Variants in ZSCAN18 observed in about 807,000 individuals in gnomAD.
ZSCAN18 encodes the protein zinc finger and SCAN domain-containing protein 18.
Under a neutral mutation model 31.1 loss-of-function variants are expected in ZSCAN18, and 16 were observed. The ratio of observed to expected loss-of-function variants is 0.51; its 90% CI spans 0.35 to 0.78. The LOEUF (loss-of-function observed/expected upper bound fraction) is 0.78, where lower values mean the gene tolerates loss of function less well. ZSCAN18 is among the 30% of genes least tolerant of loss of function. ZSCAN18 has a pLI of 0.01. For missense variants in ZSCAN18, 731 were observed against 697.4 expected (o/e 1.05, Z -0.54); for synonymous variants, 375 against 320.7 (o/e 1.17, Z -1.81).
chr19:58,093,955 G>A (rs1247505275), intron 1 of ZSCAN18, among the ~76,000 whole-genome samples: 1 of 151,680 alleles, frequency 6.6e-6, no homozygotes, highest in African/African-American at 2.4e-5. Context: ...AGTACAGACG[G>A]GGTTTCACCA....
intron 1 of ZSCAN18, among the ~76,000 whole-genome samples, chr19:58,096,183 T>C (rs1335428791): frequency 6.6e-6 from 1 of 152,106 alleles, no homozygotes; most frequent in Non-Finnish European, 1.5e-5. Context: ...GATTGGCCAC[T>C]GCACTCCAGC....
chr19:58,098,300 T>C (rs2074560876), upstream of ZSCAN18: 3 of 985,322 alleles, frequency 3.0e-6, no homozygotes, highest in Non-Finnish European at 3.6e-6. Context: ...CGCGAGGCTG[T>C]GCCGCGCACC....
At chr19:58,098,833 A>T (rs1463860730), upstream of ZSCAN18, among the ~76,000 whole-genome samples, 1 of 152,216 alleles carries the variant, frequency 6.6e-6, no homozygotes, top group Non-Finnish European at 1.5e-5. Flanking sequence ...GGGAGACAAG[A>T]GGTGGAGACC....
chr19:58,107,029 C>T (rs2146023002), intron 1 of ZSCAN18, among the ~76,000 whole-genome samples: 1 of 151,818 alleles, frequency 6.6e-6, no homozygotes, highest in African/African-American at 2.4e-5. Flanking sequence ...TCCCAAAGTG[C>T]TGGGATTACA....
chr19:58,100,603 AC>A (rs1305227286), upstream of ZSCAN18, among the ~76,000 whole-genome samples: 1 of 152,154 alleles, frequency 6.6e-6, no homozygotes, highest in Non-Finnish European at 1.5e-5. Flanking sequence ...TGTGCCAGGA[AC>A]CAGGGATAAA....
chr19:58,087,336 C>A lies in ZSCAN18; in HGVS notation c.622G>T (p.Gly208Cys). Residue 208 changes from glycine (G) to cysteine (C), a missense_variant, in exon 4 of 7, where the codon GGC becomes TGC. Coordinates refer to ENST00000601144, the MANE Select transcript of ZSCAN18 (RefSeq NM_001145543.2). Reference protein sequence around the residue: ...RVREAKTEEDGPANTEQKLKS... With the variant: ...RVREAKTEEDCPANTEQKLKS... ...CCCACCTGCTCGGTGTTGGCAGGGC[C>A]GTCCTCTTCGGTCTTTGCTTCTCTG... 6.2e-7 allele frequency: 1 copy of A among 1,606,786 alleles called. No individual in the cohort carries two copies. The highest frequency in any genetic ancestry group is 8.5e-7 in the Non-Finnish European group (1 of 1,176,634).
intron 1 of ZSCAN18, among the ~76,000 whole-genome samples, chr19:58,106,998 C>A (rs990796420): frequency 6.6e-6 from 1 of 151,584 alleles, no homozygotes. Flanking sequence ...ATCCTGACCT[C>A]GTGATCTGCC....
chr19:58,097,855 C>T, intron 1 of ZSCAN18: 1 of 921,938 alleles, frequency 1.1e-6, no homozygotes. Context: ...CCTTCCTGTT[C>T]TCCCACCCAC....
upstream of ZSCAN18, among the ~76,000 whole-genome samples, chr19:58,099,964 GTTT>G (rs55769261): frequency 3.7e-3 from 509 of 136,106 alleles, 2 homozygotes; most frequent in African/African-American, 0.013. Flanking sequence ...TGAAAGCTAT[GTTT>G]TTTTTTTTTT....
Position 58,098,223 on chromosome 19 carries a change from C to A in ZSCAN18, c.-169G>T. 2.0e-6 allele frequency: 2 copies of A among 985,508 alleles called. No individual in the cohort carries two copies. Among genetic ancestry groups the A allele is most frequent in the Non-Finnish European group, 2.4e-6 (2 of 829,990 alleles). The allele number at this position is 985,508 out of a possible 1,614,324, so 61.0% of individuals were successfully genotyped here. On this transcript the variant is annotated 5_prime_UTR_variant, in exon 1 of 7. Transcript: ENST00000601144. Reference sequence around the variant, plus strand: ...GTCCCAGCCGCCCGGAGCCCCAGTGCGCGATGGCGGCCGGCAAACTGCGCC... The same window carrying A: ...GTCCCAGCCGCCCGGAGCCCCAGTGAGCGATGGCGGCCGGCAAACTGCGCC...
Position 58,090,466 on chromosome 19 carries a change from C to T in ZSCAN18, c.-119-80G>A. 1 of 1,316,910 alleles carries T rather than the reference C, an allele frequency of 7.6e-7. No individual in the cohort carries two copies. Among genetic ancestry groups the T allele is most frequent in the Non-Finnish European group, 1.0e-6 (1 of 979,408 alleles). 81.6% of individuals were successfully genotyped at this position (1,316,910 alleles called of 1,614,324 possible). A position where few individuals can be genotyped will look rare whatever the true frequency, so the allele number is the denominator to read the frequency against. On this transcript the variant is annotated intron_variant, in intron 1 of 6. Coordinates refer to ENST00000601144, the MANE Select transcript of ZSCAN18 (RefSeq NM_001145543.2). This position sits in a 1 kb window ranked among gnomAD's most constrained non-coding sequence, Gnocchi z 4.7. ...CCCAGCTGCCAGAGAACAAAGACAC[C>T]ACACCCAGAGTTCACACAGATTTCC... is the stretch of plus-strand genomic sequence containing the variant.
intron 1 of ZSCAN18, among the ~76,000 whole-genome samples, chr19:58,096,193 C>T (rs755140264): frequency 8.9e-4 from 135 of 152,058 alleles, no homozygotes; most frequent in Non-Finnish European, 1.5e-3. Flanking sequence ...TGCACTCCAG[C>T]CTGGGCGACA....
At chr19:58,099,189 T>C (rs1387198676), upstream of ZSCAN18, among the ~76,000 whole-genome samples, 1 of 152,194 alleles carries the variant, frequency 6.6e-6, no homozygotes, top group African/African-American at 2.4e-5. Flanking sequence ...TTTTAACTCA[T>C]ATCCACCAAC....
rs1184585999 is a variant in ZSCAN18 at position 58,084,788 on chromosome 19, G to A, written c.1430C>T (p.Pro477Leu). Residue 477 changes from proline (P) to leucine (L), a missense_variant, in exon 7 of 7, where the codon CCC becomes CTC. Physicochemically the swap from Pro to Leu is moderately conservative, Grantham distance 98 (BLOSUM62 -3). Transcript: ENST00000601144. The surrounding 1 kb of genome is among the most constrained non-coding windows in gnomAD (Gnocchi z 4.5). ...KSYALGGARG[P>L]QPSTREAQAG... ...CTGGGCTTCGCGGGTGGACGGTTGG[G>A]GGCCCCGGGCGCCCCCCAGCGCGTA... 2 of 1,576,832 alleles carry A rather than the reference G, an allele frequency of 1.3e-6. No homozygotes were observed. Among genetic ancestry groups the A allele is most frequent in the Non-Finnish European group, 1.7e-6 (2 of 1,167,954 alleles).
chr19:58,117,482 A>AG (rs1213484346), intron 1 of ZSCAN18, among the ~76,000 whole-genome samples: 2 of 152,156 alleles, frequency 1.3e-5, no homozygotes, highest in African/African-American at 4.8e-5. Context: ...ACAACCCTAA[A>AG]GGGGCAGAGG....
At chr19:58,111,527 T>G (rs2074683299) in intron 1 of ZSCAN18, among the ~76,000 whole-genome samples, 1 of 151,286 alleles carries the variant, frequency 6.6e-6, no homozygotes, top group Non-Finnish European at 1.5e-5. Context: ...AAAGTTGTTT[T>G]TTTGTTTTTT....
rs747006353 is a variant in ZSCAN18 at position 58,085,157 on chromosome 19, A to G, written c.1061T>C (p.Val354Ala). 6.2e-7 allele frequency: 1 copy of G among 1,610,798 alleles called. No individual in the cohort carries two copies. ...CCTGTCCGGGGCAGGCTGCTGGATG[A>G]CGGACTGCCTCTGCGATCCGGTGGC... ...DSATGSQRQS[V>A]IQQPAPDRGT... Residue 354 changes from valine (V) to alanine (A), a missense_variant, in exon 7 of 7, where the codon GTC becomes GCC. Transcript: ENST00000601144.
chr19:58,086,326 TTGTG>T, intron 5 of ZSCAN18, 60 bp from the exon 6 acceptor site: 1 of 1,518,992 alleles, frequency 6.6e-7, no homozygotes, highest in South Asian at 1.1e-5. Flanking sequence ...CTGATGGGTG[TTGTG>T]TGTCGTGGGC....
chr19:58,108,888 A>G, intron 1 of ZSCAN18: 16 of 1,013,022 alleles, frequency 1.6e-5, no homozygotes, highest in Non-Finnish European at 1.9e-5. Context: ...TAGGTTGTCC[A>G]CCCTGGCTGA....
Sources: allele counts gnomAD v4.1 joint callset (sites outside exome capture counted in the v4.1 genomes callset), GRCh38; gene constraint gnomAD v4.1.1; non-coding constraint Gnocchi (gnomAD v3.1); transcripts MANE v1.5; gene names NCBI Gene and HGNC (gene_info 2026-07-23, HGNC 2026-07-21).